The following HEATR5A variants were observed in gnomAD, a reference collection of about 807,000 sequenced individuals.
HEATR5A encodes the protein HEAT repeat-containing protein 5A.
Under a neutral mutation model 218.8 loss-of-function variants are expected in HEATR5A, and 178 were observed. The observed-to-expected ratio is 0.81, with a 90% CI of 0.72 to 0.92. The LOEUF (loss-of-function observed/expected upper bound fraction) is 0.92, where lower values mean the gene tolerates loss of function less well. HEATR5A is among the 40% of genes least tolerant of loss of function. The pLI is 0.00. For synonymous variants in HEATR5A, 864 were observed against 871.6 expected (o/e 0.99, Z 0.15); for missense variants, 2,420 against 2,418.9 (o/e 1.00, Z -0.01).
intron 22 of HEATR5A, among the ~76,000 whole-genome samples, chr14:31,329,662 G>A (rs953606128): frequency 1.3e-5 from 2 of 152,134 alleles, no homozygotes; most frequent in African/African-American, 4.8e-5. Flanking sequence ...TTTTTCAGGC[G>A]CACAGTGTAA....
At chr14:31,411,035 A>G (rs1437672568) in intron 1 of HEATR5A, among the ~76,000 whole-genome samples, 2 of 152,220 alleles carry the variant, frequency 1.3e-5, no homozygotes, top group Admixed American at 1.3e-4. Context: ...AAACCTATGC[A>G]TATTAAATCT....
At chr14:31,405,000 G>T (rs571790341) in intron 1 of HEATR5A, among the ~76,000 whole-genome samples, 1 of 126,816 alleles carries the variant, frequency 7.9e-6, no homozygotes, top group South Asian at 2.6e-4. Flanking sequence ...CCAGGCAGAA[G>T]AACTGCTGAG....
At chr14:31,404,948 T>C (rs1335482130) in intron 1 of HEATR5A, among the ~76,000 whole-genome samples, 1 of 150,212 alleles carries the variant, frequency 6.7e-6, no homozygotes, top group African/African-American at 2.5e-5. Context: ...TCCAGTGCCA[T>C]GTGCGATGGC....
At position 31,321,551 on chromosome 14, in the gene HEATR5A, A is replaced by G; in HGVS notation, c.3917T>C (p.Val1306Ala). The G allele has an allele frequency of 6.2e-7, 1 of 1,605,782 alleles. No individual in the cohort carries two copies. The highest frequency in any genetic ancestry group is 8.5e-7 in the Non-Finnish European group (1 of 1,176,048). Residue 1306 changes from valine (V) to alanine (A), a missense_variant, in exon 25 of 36, where the codon GTT becomes GCT. By Grantham distance (64) the Val-to-Ala change is moderately conservative (BLOSUM62 0). Transcript: ENST00000543095. ...LLVVIRRFATVPEPEFPGHVI... is the reference protein window; with the variant it reads ...LLVVIRRFATAPEPEFPGHVI... ...ATGACCTGGAAACTCTGGTTCTGGA[A>G]CAGTTGCAAATCGCCGAATAACAAC...
At chr14:31,394,778 T>A (rs896572428) in intron 5 of HEATR5A, among the ~76,000 whole-genome samples, 9 of 151,976 alleles carry the variant, frequency 5.9e-5, no homozygotes, top group Admixed American at 2.6e-4. Context: ...AGATCGCGCC[T>A]CTACACTCCA....
At chr14:31,401,118 C>T (rs972029726) in intron 2 of HEATR5A, among the ~76,000 whole-genome samples, 6 of 152,154 alleles carry the variant, frequency 3.9e-5, no homozygotes, top group South Asian at 2.1e-4. Context: ...GGATTACAGG[C>T]GTTAGCCACC....
At chr14:31,379,266 T>C (rs999428476) in intron 11 of HEATR5A, among the ~76,000 whole-genome samples, 2 of 149,990 alleles carry the variant, frequency 1.3e-5, no homozygotes, top group Non-Finnish European at 3.0e-5. Context: ...TTTGTTTTAT[T>C]TTGAGAGGGA....
rs1251334049 is a variant in HEATR5A at position 31,315,841 on chromosome 14, C to A, written c.4147G>T (p.Ala1383Ser). Residue 1383 changes from alanine to serine, a missense_variant, in exon 27 of 36, where the codon GCT (alanine) becomes TCT (serine). Ala to Ser is a moderately conservative substitution (Grantham distance 99). Coordinates refer to ENST00000543095, the MANE Select transcript of HEATR5A (RefSeq NM_015473.4). ...SLTKIQAGKE[A>S]LSHLYNESAS... ...CTTTCATTATATAAGTGACTTAGAG[C>A]TTCTTTTCCAGCCTGTATTTTAGTT... 6.2e-7 allele frequency: 1 copy of A among 1,612,816 alleles called. No individual in the cohort carries two copies. The highest frequency in any genetic ancestry group is 8.5e-7 in the Non-Finnish European group (1 of 1,179,390).
chr14:31,387,189 CAAG>C lies in HEATR5A; in HGVS notation c.1117_1119del (p.Leu373del), dbSNP rs142429257. 0.026 allele frequency: 41,601 copies of C among 1,613,886 alleles called. 658 individuals are homozygous for C. The highest frequency in any genetic ancestry group is 0.031 in the Non-Finnish European group (36,803 of 1,179,862). Reference sequence around the variant, plus strand: ...ACAGCAGCAAGCTGAGCCTTTTCTCCAAGAAGACCACCTATAGTAGTTCGAAGA... The same window carrying C: ...ACAGCAGCAAGCTGAGCCTTTTCTCCAAGACCACCTATAGTAGTTCGAAGA... On this transcript the variant is annotated inframe_deletion, in exon 8 of 36. Transcript: ENST00000543095.
Position 31,359,048 on chromosome 14 carries a change from C to T in HEATR5A, c.2081G>A (p.Cys694Tyr). 6.3e-7 allele frequency: 1 copy of T among 1,594,648 alleles called. No homozygotes were observed. Among genetic ancestry groups the T allele is most frequent in the East Asian group, 2.2e-5 (1 of 44,786 alleles). Residue 694 changes from cysteine to tyrosine, a missense_variant, in exon 15 of 36, where the codon TGT becomes TAT. Cys to Tyr is a radical substitution (Grantham distance 194). Coordinates refer to ENST00000543095, the MANE Select transcript of HEATR5A (RefSeq NM_015473.4). ...AGCAGCCAGCTCTCTGAGGATAGCA[C>T]AGAGGTTTCCTGTTGAGTCACAGAA... ...LPPETYEGNL[C>Y]AILRELAADL... is the part of the protein sequence containing the mutation.
chr14:31,336,706 G>C (rs118040457), intron 22 of HEATR5A, among the ~76,000 whole-genome samples: 2 of 152,084 alleles, frequency 1.3e-5, no homozygotes, highest in East Asian at 3.8e-4. Flanking sequence ...GAGATTCTGC[G>C]GCAAACAGAG....
Position 31,386,571 on chromosome 14 carries a change from G to T in HEATR5A, c.1194C>A (p.Ala398=). The T allele has an allele frequency of 1.3e-6, 2 of 1,577,692 alleles. No individual in the cohort carries two copies. The highest frequency in any genetic ancestry group is 1.7e-6 in the Non-Finnish European group (2 of 1,164,602). ...TTTCCAAATTACCATCACTCATTACGGCATCTGATAGAAATGCAAGAATTA... is the reference window on the plus strand; with the variant it reads ...TTTCCAAATTACCATCACTCATTACTGCATCTGATAGAAATGCAAGAATTA... ...AIWKLKKVMD[A]VMSDGNLETR... The change falls in exon 9 of 36, where the codon GCC becomes GCA. Residue 398 remains alanine, a synonymous_variant. Transcript: ENST00000543095.
At chr14:31,386,286 G>T (rs2030216787) in intron 9 of HEATR5A, 134 bp downstream of exon 9, 2 of 658,880 alleles carry the variant, frequency 3.0e-6, no homozygotes, top group Non-Finnish European at 4.8e-6. Flanking sequence ...TAATAATCCT[G>T]ATTATAAATT....
intron 4 of HEATR5A, among the ~76,000 whole-genome samples, chr14:31,397,303 T>A (rs1405665093): frequency 1.3e-5 from 2 of 152,156 alleles, no homozygotes; most frequent in Non-Finnish European, 2.9e-5. Context: ...GTAAATAAAG[T>A]GACAAGAGTA....
intron 1 of HEATR5A, among the ~76,000 whole-genome samples, chr14:31,413,158 GGAA>G (rs2031337904): frequency 6.6e-6 from 1 of 152,080 alleles, no homozygotes; most frequent in South Asian, 2.1e-4. Flanking sequence ...GGTAGGAACG[GGAA>G]GAATGTTGCC....
chr14:31,322,011 G>A (rs1900123770), intron 24 of HEATR5A, among the ~76,000 whole-genome samples: 1 of 152,016 alleles, frequency 6.6e-6, no homozygotes, highest in Non-Finnish European at 1.5e-5. Flanking sequence ...GGAGACTTTG[G>A]GCTTTGACTA....
intron 12 of HEATR5A, among the ~76,000 whole-genome samples, 178 bp downstream of exon 12, chr14:31,374,638 A>C (rs1462301365): frequency 2.0e-5 from 3 of 152,194 alleles, no homozygotes; most frequent in Non-Finnish European, 4.4e-5. Context: ...TTATTATAAC[A>C]TACACCAGTT....
At chr14:31,325,945 A>G in intron 23 of HEATR5A, 1 of 573,698 alleles carries the variant, frequency 1.7e-6, no homozygotes, top group Admixed American at 3.2e-5. Context: ...AGACAGCCAA[A>G]GGGAAAAAGA....
At chr14:31,409,906 T>C (rs931731929) in intron 1 of HEATR5A, among the ~76,000 whole-genome samples, 18 of 152,320 alleles carry the variant, frequency 1.2e-4, no homozygotes, top group African/African-American at 4.3e-4. Flanking sequence ...GACGGAAACA[T>C]ATGTTGAAAT....
Sources: allele counts gnomAD v4.1 joint callset (sites outside exome capture counted in the v4.1 genomes callset), GRCh38; gene constraint gnomAD v4.1.1; transcripts MANE v1.5; gene names NCBI Gene and HGNC (gene_info 2026-07-23, HGNC 2026-07-21).